Variants in CLSTN2 observed in about 807,000 individuals in gnomAD.
CLSTN2 encodes the protein calsyntenin 2.
A neutral mutation model predicts 101.2 loss-of-function variants in CLSTN2; 48 were observed. The ratio of observed to expected loss-of-function variants is 0.47; its 90% CI spans 0.38 to 0.60. CLSTN2 has a LOEUF of 0.60. Among genes scored for constraint, CLSTN2 ranks in the 20% least tolerant of loss-of-function variants. The pLI is 0.00. For missense variants in CLSTN2, 1,160 were observed against 1,238.2 expected (o/e 0.94, Z 0.95); for synonymous variants, 481 against 463.6 (o/e 1.04, Z -0.48).
chr3:140,277,741 A>T (rs1416461322), intron 2 of CLSTN2, among the ~76,000 whole-genome samples: 2 of 152,088 alleles, frequency 1.3e-5, no homozygotes, highest in African/African-American at 4.8e-5. Flanking sequence ...AGTGGAGGAG[A>T]TATTGTTTGC....
At chr3:140,373,212 A>C (rs2087878182) in intron 2 of CLSTN2, among the ~76,000 whole-genome samples, 1 of 152,250 alleles carries the variant, frequency 6.6e-6, no homozygotes, top group Non-Finnish European at 1.5e-5. Flanking sequence ...AAGAAAAAGC[A>C]GCCATGCCCT....
intron 6 of CLSTN2, among the ~76,000 whole-genome samples, chr3:140,457,256 C>T (rs1933425504): frequency 6.6e-6 from 1 of 152,184 alleles, no homozygotes; most frequent in Non-Finnish European, 1.5e-5. Context: ...AGTCAGAAGC[C>T]CTGAGTGCTC....
At chr3:140,151,580 C>T (rs888674350) in intron 1 of CLSTN2, among the ~76,000 whole-genome samples, 2 of 151,994 alleles carry the variant, frequency 1.3e-5, no homozygotes, top group African/African-American at 4.8e-5. Context: ...TTTAAAGAGG[C>T]CGTGCTTCCT....
intron 2 of CLSTN2, among the ~76,000 whole-genome samples, chr3:140,325,850 C>T (rs1039224479): frequency 3.9e-5 from 6 of 152,132 alleles, no homozygotes; most frequent in Non-Finnish European, 5.9e-5. Context: ...GTAGGGTGGA[C>T]GCGTCAGGTT....
At chr3:140,305,159 C>T (rs116278416) in intron 2 of CLSTN2, among the ~76,000 whole-genome samples, 8 of 152,146 alleles carry the variant, frequency 5.3e-5, no homozygotes, top group African/African-American at 9.6e-5. Flanking sequence ...GTAGCCTCCA[C>T]TCCGTGCTGA....
At chr3:140,235,735 C>T (rs936135636) in intron 2 of CLSTN2, among the ~76,000 whole-genome samples, 2 of 152,166 alleles carry the variant, frequency 1.3e-5, no homozygotes, top group Non-Finnish European at 2.9e-5. Flanking sequence ...AGAACATCCC[C>T]AGGGTTCATA....
intron 2 of CLSTN2, among the ~76,000 whole-genome samples, chr3:140,381,597 C>T (rs2087985801): frequency 1.3e-5 from 2 of 152,222 alleles, no homozygotes; most frequent in Non-Finnish European, 2.9e-5. Context: ...CATTGTTCCA[C>T]TTACTGGCCA....
At position 140,453,014 on chromosome 3, in the gene CLSTN2, T is replaced by C. The variant is rs1335743537; in HGVS notation, c.973+4310T>C. ...AACTATTTTGAGTATGAGATGAGAGTGCAGCCCTCAGTGAGACCTCTTGGC... is the reference window on the plus strand; with the variant it reads ...AACTATTTTGAGTATGAGATGAGAGCGCAGCCCTCAGTGAGACCTCTTGGC... On this transcript the variant is annotated intron_variant, in intron 6 of 16. Transcript: ENST00000458420. 2.0e-5 allele frequency among the ~76,000 whole-genome samples: 3 copies of C among 152,150 alleles called. No homozygotes were observed. In the East Asian group the frequency reaches 5.8e-4, roughly 29 times the overall value.
At chr3:140,482,941 C>G (rs1934152120) in intron 8 of CLSTN2, among the ~76,000 whole-genome samples, 1 of 152,050 alleles carries the variant, frequency 6.6e-6, no homozygotes, top group South Asian at 2.1e-4. Flanking sequence ...TCTCTATTTC[C>G]TTCAGTTCTG....
chr3:140,542,901 C>T (rs1324360377), intron 9 of CLSTN2, among the ~76,000 whole-genome samples: 1 of 152,156 alleles, frequency 6.6e-6, no homozygotes, highest in Non-Finnish European at 1.5e-5. Flanking sequence ...CCTGGCACCA[C>T]CAGGAAACCT....
chr3:140,421,138 C>T lies in CLSTN2; in HGVS notation c.651C>T (p.Asn217=), dbSNP rs1230455967. The change falls in exon 5 of 17, where the codon AAC becomes AAT. Residue 217 remains asparagine, a synonymous_variant. Transcript: ENST00000458420. ...FAIDRNGNIR[N]TEKLSYDKQH... ...TCTGTTCCTCAGGCAACATCAGGAA[C>T]ACTGAGAAGCTGAGCTATGACAAAC... 1 of 1,613,796 alleles carries T rather than the reference C, an allele frequency of 6.2e-7. No homozygotes were observed. The highest frequency in any genetic ancestry group is 8.5e-7 in the Non-Finnish European group (1 of 1,179,966).
At chr3:140,485,469 A>G (rs556411053) in intron 8 of CLSTN2, among the ~76,000 whole-genome samples, 3 of 152,028 alleles carry the variant, frequency 2.0e-5, no homozygotes, top group African/African-American at 7.2e-5. Flanking sequence ...GAGAACCACT[A>G]CTCTCTTCAA....
intron 1 of CLSTN2, among the ~76,000 whole-genome samples, chr3:140,033,658 A>G (rs568621751): frequency 1.1e-4 from 17 of 152,372 alleles, no homozygotes; most frequent in Admixed American, 5.9e-4. Context: ...GACTGAAAAA[A>G]GAAGAGACGC....
At chr3:140,284,990 T>G (rs1320077198) in intron 2 of CLSTN2, among the ~76,000 whole-genome samples, 1 of 151,872 alleles carries the variant, frequency 6.6e-6, no homozygotes, top group Non-Finnish European at 1.5e-5. Flanking sequence ...TTGCAAGAGA[T>G]AGGATTGGGT....
chr3:140,267,972 C>A (rs1321166531), intron 2 of CLSTN2, among the ~76,000 whole-genome samples: 1 of 152,130 alleles, frequency 6.6e-6, no homozygotes, highest in Non-Finnish European at 1.5e-5. Context: ...CCATTAGCTC[C>A]TGTTATATAA....
At chr3:140,109,884 T>A (rs72984173) in intron 1 of CLSTN2, among the ~76,000 whole-genome samples, 1 of 152,034 alleles carries the variant, frequency 6.6e-6, no homozygotes, top group Non-Finnish European at 1.5e-5. Context: ...GTCATGCTCC[T>A]CTCTGTGGCT....
intron 7 of CLSTN2, chr3:140,462,900 G>A (rs545961060): frequency 4.6e-5 from 7 of 152,358 alleles, no homozygotes; most frequent in African/African-American, 1.4e-4. Flanking sequence ...ATAGAAAGTA[G>A]CATGTTTGAC....
chr3:140,550,966 T>G (rs1453218084), intron 10 of CLSTN2, among the ~76,000 whole-genome samples: 4 of 151,772 alleles, frequency 2.6e-5, no homozygotes, highest in Non-Finnish European at 5.9e-5. Context: ...AGACGCCCAA[T>G]TTATGGAGCA....
intron 1 of CLSTN2, among the ~76,000 whole-genome samples, chr3:139,942,425 G>A (rs1489888347): frequency 6.6e-6 from 1 of 152,136 alleles, no homozygotes; most frequent in East Asian, 1.9e-4. Flanking sequence ...TGTACCGACA[G>A]TTCTCCTGAT....
Sources: allele counts gnomAD v4.1 joint callset (sites outside exome capture counted in the v4.1 genomes callset), GRCh38; gene constraint gnomAD v4.1.1; transcripts MANE v1.5; gene names NCBI Gene and HGNC (gene_info 2026-07-23, HGNC 2026-07-21).